CTNNA3: variants seen among roughly 807,000 people sequenced by gnomAD.
The protein encoded by CTNNA3 is catenin alpha 3, also known as catenin alpha-3.
Under a neutral mutation model 95.7 loss-of-function variants are expected in CTNNA3, and 76 were observed. That is an observed-to-expected ratio of 0.79 (90% CI 0.66 to 0.96). The LOEUF (loss-of-function observed/expected upper bound fraction) is 0.96, where lower values mean the gene tolerates loss of function less well. Ranked by LOEUF, CTNNA3 falls within the 40% of genes least tolerant of loss-of-function variation. The pLI is 0.00. For synonymous variants in CTNNA3, 431 were observed against 374.4 expected (o/e 1.15, Z -1.74); for missense variants, 1,191 against 1,089.8 (o/e 1.09, Z -1.31).
intron 1 of CTNNA3, among the ~76,000 whole-genome samples, chr10:67,720,232 C>G (rs1201392297): frequency 6.8e-6 from 1 of 147,984 alleles, no homozygotes; most frequent in Admixed American, 6.8e-5. Flanking sequence ...AATGGGTCTC[C>G]TGAATGTATT....
chr10:66,938,856 G>A lies in CTNNA3; in HGVS notation c.1048-163332C>T, dbSNP rs150629224. On this transcript the variant is annotated intron_variant, in intron 7 of 17. Coordinates refer to ENST00000433211, the MANE Select transcript of CTNNA3 (RefSeq NM_013266.4). The stretch of plus-strand genomic sequence containing the variant: ...AGAAATAATATTTAAGTCTAGCTGC[G>A]AATACACCTTCATTTTTGTAGAGGC... Among the ~76,000 whole-genome samples, 891 of 152,234 alleles carry A rather than the reference G, an allele frequency of 5.9e-3. 6 individuals are homozygous for A. The highest frequency in any genetic ancestry group is 9.2e-3 in the Non-Finnish European group (623 of 68,000).
At chr10:67,712,155 C>T (rs949177479) in intron 1 of CTNNA3, among the ~76,000 whole-genome samples, 4 of 152,134 alleles carry the variant, frequency 2.6e-5, no homozygotes, top group Non-Finnish European at 5.9e-5. Context: ...CAATGATAGA[C>T]TGGATTAAGA....
intron 9 of CTNNA3, among the ~76,000 whole-genome samples, chr10:66,651,259 T>C (rs1433473426): frequency 1.3e-5 from 2 of 152,086 alleles, no homozygotes; most frequent in Non-Finnish European, 2.9e-5. Flanking sequence ...CCCCACCAGA[T>C]TAGCTAGATA....
At chr10:67,584,049 A>C (rs1316914706) in intron 3 of CTNNA3, among the ~76,000 whole-genome samples, 1 of 152,158 alleles carries the variant, frequency 6.6e-6, no homozygotes, top group African/African-American at 2.4e-5. Flanking sequence ...TGATCATCTG[A>C]AGCCTTTTTC....
chr10:66,191,142 A>T (rs2086645092), intron 13 of CTNNA3, among the ~76,000 whole-genome samples: 1 of 152,190 alleles, frequency 6.6e-6, no homozygotes, highest in African/African-American at 2.4e-5. Flanking sequence ...AGAGGTTCTA[A>T]ATCTAAGAAC....
intron 11 of CTNNA3, among the ~76,000 whole-genome samples, chr10:66,517,327 T>A (rs1449228843): frequency 6.6e-6 from 1 of 152,132 alleles, no homozygotes; most frequent in Non-Finnish European, 1.5e-5. Flanking sequence ...TGAAACCTAC[T>A]GGGCTGCATT....
chr10:67,600,830 T>C (rs1489947941), intron 3 of CTNNA3, among the ~76,000 whole-genome samples: 1 of 152,186 alleles, frequency 6.6e-6, no homozygotes, highest in Non-Finnish European at 1.5e-5. Flanking sequence ...ATAGAACAGA[T>C]AGATAAATTA....
At chr10:66,436,921 G>T (rs1250803319) in intron 11 of CTNNA3, among the ~76,000 whole-genome samples, 1 of 152,058 alleles carries the variant, frequency 6.6e-6, no homozygotes, top group Non-Finnish European at 1.5e-5. Context: ...TGTCTGTAAA[G>T]GATTTTATTT....
intron 5 of CTNNA3, among the ~76,000 whole-genome samples, chr10:67,265,352 T>C (rs1866777372): frequency 6.6e-6 from 1 of 152,106 alleles, no homozygotes. Context: ...TTCCCTAAAA[T>C]GGTGAAAGAG....
At chr10:66,293,928 G>C (rs2091732921) in intron 12 of CTNNA3, among the ~76,000 whole-genome samples, 1 of 151,984 alleles carries the variant, frequency 6.6e-6, no homozygotes, top group African/African-American at 2.4e-5. Flanking sequence ...GCCTCCCAAA[G>C]TGTTGAAATT....
chr10:67,127,458 A>C (rs983808628), intron 7 of CTNNA3, among the ~76,000 whole-genome samples: 7 of 152,164 alleles, frequency 4.6e-5, no homozygotes, highest in Admixed American at 2.6e-4. Context: ...TACATGTCCC[A>C]AGTCTTCTTT....
intron 7 of CTNNA3, among the ~76,000 whole-genome samples, chr10:66,785,319 C>A (rs1840699048): frequency 6.6e-6 from 1 of 152,142 alleles, no homozygotes; most frequent in South Asian, 2.1e-4. Context: ...AACATTATTT[C>A]TGGGTATTTC....
chr10:66,925,159 C>T (rs1846998403), intron 7 of CTNNA3, among the ~76,000 whole-genome samples: 2 of 152,110 alleles, frequency 1.3e-5, no homozygotes, highest in East Asian at 1.9e-4. Flanking sequence ...AAGAATGACT[C>T]GCTTCTGAAG....
At chr10:67,134,450 T>C (rs1860193778) in intron 7 of CTNNA3, among the ~76,000 whole-genome samples, 1 of 152,088 alleles carries the variant, frequency 6.6e-6, no homozygotes, top group South Asian at 2.1e-4. Flanking sequence ...AATTTCCTAA[T>C]AAAATAATAC....
rs181797614 is a variant in CTNNA3 at position 67,229,796 on chromosome 10, C to G, written c.580-9926G>C. ...AGTCGAAAGACCTCTACAAGGAAAA[C>G]TACAAAACACTGCTGAAAGAAATCA... is the stretch of plus-strand genomic sequence containing the variant. On this transcript the variant is annotated intron_variant, in intron 5 of 17. Coordinates refer to ENST00000433211, the MANE Select transcript of CTNNA3 (RefSeq NM_013266.4). Among the ~76,000 whole-genome samples the G allele has an allele frequency of 2.7e-3, 407 of 152,218 alleles. 3 individuals carry two copies. Among genetic ancestry groups the G allele is most frequent in the African/African-American group, 9.4e-3 (392 of 41,536 alleles).
chr10:66,867,289 C>T (rs879784779), intron 7 of CTNNA3, among the ~76,000 whole-genome samples: 6 of 152,154 alleles, frequency 3.9e-5, no homozygotes, highest in Non-Finnish European at 7.3e-5. Flanking sequence ...AGTAAATGCT[C>T]CTCTGGGTTT....
intron 6 of CTNNA3, among the ~76,000 whole-genome samples, chr10:67,198,473 T>C (rs1468531013): frequency 6.6e-6 from 1 of 152,132 alleles, no homozygotes; most frequent in Non-Finnish European, 1.5e-5. Context: ...AAGTCTTATG[T>C]GGCTAGGATA....
chr10:67,727,384 TATTATA>T (rs1841241860), intron 1 of CTNNA3, among the ~76,000 whole-genome samples: 2 of 133,660 alleles, frequency 1.5e-5, no homozygotes, highest in African/African-American at 5.4e-5. Flanking sequence ...GTATGTTACG[TATTATA>T]ATTATATAAT....
At chr10:67,523,500 T>G (rs1370311033) in intron 4 of CTNNA3, among the ~76,000 whole-genome samples, 4 of 152,230 alleles carry the variant, frequency 2.6e-5, no homozygotes, top group Admixed American at 2.6e-4. Context: ...ATGTTCTTTC[T>G]ACTCTATCCT....
Sources: gnomAD v4.1 joint callset for allele counts (sites outside exome capture counted in the v4.1 genomes callset) on GRCh38, gnomAD v4.1.1 for gene constraint, MANE v1.5 for transcripts, NCBI Gene and HGNC (gene_info 2026-07-23, HGNC 2026-07-21) for gene names.